SPAG1: variants seen among roughly 807,000 people sequenced by gnomAD.
SPAG1 encodes the protein sperm associated antigen 1.
In SPAG1, 69 loss-of-function variants were observed where a neutral mutation model predicts 100.5. That is an observed-to-expected ratio of 0.69 (90% CI 0.57 to 0.84). The LOEUF is 0.84. SPAG1 is among the 40% of genes least tolerant of loss of function. SPAG1 has a pLI of 0.00. For missense variants in SPAG1, 955 were observed against 1,133.1 expected (o/e 0.84, Z 2.26); for synonymous variants, 336 against 411.6 (o/e 0.82, Z 2.22).
rs1457607407 is a variant in SPAG1, at chr8:100,213,343, C to A, written c.1350C>A (p.Ser450Arg). 2.2e-6 allele frequency: 3 copies of A among 1,375,700 alleles called. No homozygotes were observed. The highest frequency in any genetic ancestry group is 1.9e-6 in the Non-Finnish European group (2 of 1,059,930). The allele number at this position is 1,375,700 out of a possible 1,614,324, so 85.2% of individuals were successfully genotyped here. A position where few individuals can be genotyped will look rare whatever the true frequency, so the allele number is the denominator to read the frequency against. The change falls in exon 11 of 19, where the codon AGC becomes AGA. Residue 450 changes from serine to arginine, a missense_variant. Coordinates refer to ENST00000388798, the MANE Select transcript of SPAG1 (RefSeq NM_003114.5). ...CGGAGAACCCTGCCGGCCTGAAGAGCCAGGGCAACGAGCTGTTCCGAAGCG... is the reference window on the plus strand; with the variant it reads ...CGGAGAACCCTGCCGGCCTGAAGAGACAGGGCAACGAGCTGTTCCGAAGCG... ...QGAENPAGLK[S>R]QGNELFRSGQ...
chr8:100,213,048 C>A lies in SPAG1; in HGVS notation c.1097-42C>A, dbSNP rs1304434952. 25 of 1,305,048 alleles carry A rather than the reference C, an allele frequency of 1.9e-5. No homozygotes were observed. The Middle Eastern group carries it at 2.0e-3, about 104-fold the overall frequency. The allele number at this position is 1,305,048 out of a possible 1,614,324, so 80.8% of individuals were successfully genotyped here. ...CCGCGGCCTCCGCGGCAACTGCTCC[C>A]GGTGATGCAAACCCTCACTTCCCGC... On this transcript the variant is annotated intron_variant, in intron 10 of 18. Coordinates refer to ENST00000388798, the MANE Select transcript of SPAG1 (RefSeq NM_003114.5).
At chr8:100,204,696 A>G (rs758229001) in intron 10 of SPAG1, among the ~76,000 whole-genome samples, 27 of 152,194 alleles carry the variant, frequency 1.8e-4, no homozygotes, top group Non-Finnish European at 2.8e-4. Flanking sequence ...GACTCATCCC[A>G]GCTGGGAGGG....
At chr8:100,203,797 TGA>T (rs1199711356) in intron 10 of SPAG1, among the ~76,000 whole-genome samples, 1 of 152,072 alleles carries the variant, frequency 6.6e-6, no homozygotes, top group Non-Finnish European at 1.5e-5. Flanking sequence ...TTGCCCTGAG[TGA>T]GAGTCTTATC....
intron 9 of SPAG1, among the ~76,000 whole-genome samples, chr8:100,193,266 C>G (rs552918671): frequency 6.2e-4 from 94 of 152,040 alleles, no homozygotes; most frequent in Admixed American, 2.6e-4. Context: ...TTAAGACCAG[C>G]CTGGGCAAGA....
At chr8:100,220,180 C>A in intron 12 of SPAG1, 99 bp from the exon 13 acceptor site, 1 of 1,010,540 alleles carries the variant, frequency 9.9e-7, no homozygotes, top group Non-Finnish European at 1.4e-6. Context: ...CGGATGTGTA[C>A]ATATTTGAGA....
chr8:100,231,039 C>T, intron 14 of SPAG1, 117 bp from the exon 15 acceptor site: 13 of 752,328 alleles, frequency 1.7e-5, no homozygotes, highest in South Asian at 3.8e-5. Context: ...AGATTTTCAC[C>T]CTGCATGCTG....
intron 9 of SPAG1, among the ~76,000 whole-genome samples, chr8:100,192,562 GA>G (rs1325936182): frequency 3.3e-5 from 5 of 152,160 alleles, no homozygotes; most frequent in Non-Finnish European, 7.3e-5. Flanking sequence ...AGAAATAAGA[GA>G]AACCCATGGA....
chr8:100,213,773 T>C, intron 11 of SPAG1, 46 bp from the exon 12 acceptor site: 1 of 1,217,196 alleles, frequency 8.2e-7, no homozygotes, highest in East Asian at 2.3e-5. Flanking sequence ...TGAACTGTGA[T>C]CTTGCTAATG....
intron 3 of SPAG1, among the ~76,000 whole-genome samples, chr8:100,174,922 G>A (rs1816037243): frequency 1.3e-5 from 2 of 150,168 alleles, no homozygotes; most frequent in African/African-American, 4.9e-5. Flanking sequence ...TGAAATCCCG[G>A]ACAACATCTG....
rs747615780 is a variant in SPAG1, at chr8:100,240,857, GTTTT to G, written c.2650-31_2650-28del. 2.3e-5 allele frequency: 34 copies of G among 1,508,522 alleles called. 1 individual carries two copies. Among genetic ancestry groups the G allele is most frequent in the Admixed American group, 4.4e-5 (2 of 45,824 alleles). 93.4% of individuals were successfully genotyped at this position (1,508,522 alleles called of 1,614,324 possible). A position where few individuals can be genotyped will look rare whatever the true frequency, so the allele number is the denominator to read the frequency against. On this transcript the variant is annotated intron_variant, in intron 18 of 18. Transcript: ENST00000388798. ...AATGTTACTTATGCTAACATAGTTG[GTTTT>G]TTGTTTTTTTTTTTTTTTGCTTCTT...
intron 3 of SPAG1, among the ~76,000 whole-genome samples, chr8:100,168,067 A>G (rs781445673): frequency 6.6e-6 from 1 of 152,240 alleles, no homozygotes; most frequent in Non-Finnish European, 1.5e-5. Context: ...ACCTTTGATA[A>G]GACCCGCAGT....
intron 14 of SPAG1, among the ~76,000 whole-genome samples, chr8:100,225,573 C>T (rs190977168): frequency 1.3e-5 from 2 of 152,138 alleles, no homozygotes; most frequent in East Asian, 3.9e-4. Flanking sequence ...ATTCTCCTGC[C>T]TCAGCCTCCT....
Position 100,241,032 on chromosome 8 carries a change from A to G in SPAG1, c.*10A>G. ...GCAGTATGAGCTTTAAATCAAGATA[A>G]TTGTTAGATTTCTTCCATGCATGTA... On this transcript the variant is annotated 3_prime_UTR_variant, in exon 19 of 19. Coordinates refer to ENST00000388798, the MANE Select transcript of SPAG1 (RefSeq NM_003114.5). This position sits in a 1 kb window ranked among gnomAD's most constrained non-coding sequence, Gnocchi z 5.1. The G allele has an allele frequency of 6.2e-7, 1 of 1,608,232 alleles. No individual in the cohort carries two copies. Among genetic ancestry groups the G allele is most frequent in the Non-Finnish European group, 8.5e-7 (1 of 1,178,044 alleles).
chr8:100,190,107 G>A (rs1816750586), intron 8 of SPAG1, among the ~76,000 whole-genome samples: 6 of 152,114 alleles, frequency 3.9e-5, no homozygotes, highest in East Asian at 1.9e-4. Context: ...TCAGGAGATC[G>A]AGACCATCCT....
At chr8:100,206,756 T>C (rs1046391774) in intron 10 of SPAG1, among the ~76,000 whole-genome samples, 1 of 152,196 alleles carries the variant, frequency 6.6e-6, no homozygotes, top group Non-Finnish European at 1.5e-5. Flanking sequence ...ACAAGGCCTA[T>C]TTGGATTTTC....
intron 10 of SPAG1, among the ~76,000 whole-genome samples, chr8:100,206,502 C>A (rs986469594): frequency 2.0e-5 from 3 of 152,180 alleles, no homozygotes; most frequent in African/African-American, 7.2e-5. Flanking sequence ...CAAGAAGTAG[C>A]AAACACACTG....
chr8:100,174,970 C>CTTTTTTTTTTTTTTTTTTT (rs71274961), intron 3 of SPAG1, among the ~76,000 whole-genome samples: 2 of 136,348 alleles, frequency 1.5e-5, no homozygotes, highest in African/African-American at 2.7e-5. Flanking sequence ...TATTTCATGG[C>CTTTTTTTTTTTTTTTTTTT]TTTTTTTTTT....
intron 10 of SPAG1, chr8:100,194,593 T>G: frequency 2.2e-6 from 1 of 461,052 alleles, no homozygotes; most frequent in Admixed American, 3.9e-5. Flanking sequence ...TTGTTTTGTA[T>G]ATATCTACTT....
Position 100,225,183 on chromosome 8 carries a change from A to G in SPAG1, c.1699A>G (p.Ile567Val), listed in dbSNP as rs1451557635. 6.2e-7 allele frequency: 1 copy of G among 1,610,804 alleles called. No individual in the cohort carries two copies. Among genetic ancestry groups the G allele is most frequent in the Non-Finnish European group, 8.5e-7 (1 of 1,177,720 alleles). Reference sequence around the variant, plus strand: ...TCACTTTCTCTTTAGGCTATCAAGAATTTTAATGGAGCTGGATGGACCAAA... The same window carrying G: ...TCACTTTCTCTTTAGGCTATCAAGAGTTTTAATGGAGCTGGATGGACCAAA... ...ANDSVNRLSR[I>V]LMELDGPNWR... Residue 567 changes from isoleucine to valine, a missense_variant, in exon 14 of 19, where the codon ATT becomes GTT. Transcript: ENST00000388798.
Sources: allele counts gnomAD v4.1 joint callset (sites outside exome capture counted in the v4.1 genomes callset), GRCh38; gene constraint gnomAD v4.1.1; non-coding constraint Gnocchi (gnomAD v3.1); transcripts MANE v1.5; gene names NCBI Gene and HGNC (gene_info 2026-07-23, HGNC 2026-07-21).